The following SLC38A8 variants were observed in gnomAD, a reference collection of about 807,000 sequenced individuals.
The protein encoded by SLC38A8 is amino acid transporter SLC38A8.
Under a neutral mutation model 46.0 loss-of-function variants are expected in SLC38A8, and 65 were observed. The observed-to-expected ratio is 1.41, with a 90% CI of 1.16 to 1.74. The LOEUF (loss-of-function observed/expected upper bound fraction) is 1.74, where lower values mean the gene tolerates loss of function less well. Among genes scored for constraint, SLC38A8 ranks in the 40% most tolerant of loss-of-function variants. The pLI, the probability that SLC38A8 is intolerant of heterozygous loss-of-function variation, is 0.00. For missense variants in SLC38A8, 998 were observed against 567.9 expected, an observed-to-expected ratio of 1.76 and a Z score of -7.70; for synonymous variants, 447 against 243.7, an observed-to-expected ratio of 1.83 and a Z score of -7.77.
intron 6 of SLC38A8, among the ~76,000 whole-genome samples, chr16:84,026,927 C>G (rs577019930): frequency 6.6e-6 from 1 of 152,146 alleles, no homozygotes; most frequent in African/African-American, 2.4e-5. Context: ...CGAGGGGCAA[C>G]AGAAAGGTTC....
intron 5 of SLC38A8, among the ~76,000 whole-genome samples, chr16:84,030,847 C>A (rs1478586970): frequency 6.6e-6 from 1 of 151,120 alleles, no homozygotes; most frequent in African/African-American, 2.4e-5. Context: ...CTGTAGGGGT[C>A]GCACACCCAC....
At chr16:84,024,750 C>T (rs1052735466) in intron 6 of SLC38A8, among the ~76,000 whole-genome samples, 3 of 152,098 alleles carry the variant, frequency 2.0e-5, no homozygotes, top group East Asian at 3.9e-4. Flanking sequence ...ACTGAAGTGG[C>T]GCGAACTTGG....
rs758227587 is a variant in SLC38A8 at position 84,016,594 on chromosome 16, G to T, written c.1087C>A (p.Leu363Met). ...ATCTCGCTGAGGTCAGGCATAAACAGCGCCATGGCGAGCGTCACGGTGACC... is the reference window on the plus strand; with the variant it reads ...ATCTCGCTGAGGTCAGGCATAAACATCGCCATGGCGAGCGTCACGGTGACC... Reference protein sequence around the residue: ...LWVTVTLAMALFMPDLSEIVS... With the variant: ...LWVTVTLAMAMFMPDLSEIVS... Residue 363 changes from leucine to methionine, a missense_variant, in exon 9 of 11, where the codon CTG becomes ATG. Transcript: ENST00000299709. 6.2e-7 allele frequency: 1 copy of T among 1,614,052 alleles called. No individual in the cohort carries two copies. The highest frequency in any genetic ancestry group is 8.5e-7 in the Non-Finnish European group (1 of 1,180,036).
At chr16:84,036,659 G>A (rs1436860640) in intron 3 of SLC38A8, 43 bp downstream of exon 3, 1 of 1,608,110 alleles carries the variant, frequency 6.2e-7, no homozygotes, top group African/African-American at 1.3e-5. Flanking sequence ...GTCATTAGAG[G>A]TCCGGCACCC....
chr16:84,036,083 G>C (rs910230965), intron 3 of SLC38A8, among the ~76,000 whole-genome samples: 1 of 152,182 alleles, frequency 6.6e-6, no homozygotes, highest in Non-Finnish European at 1.5e-5. Context: ...CAATGATACA[G>C]ACTCCCTGAC....
intron 9 of SLC38A8, among the ~76,000 whole-genome samples, chr16:84,014,254 G>A (rs1224743970): frequency 1.3e-5 from 2 of 151,326 alleles, no homozygotes; most frequent in African/African-American, 2.4e-5. Context: ...GCCCGAGGGA[G>A]AAGCCACAAG....
chr16:84,021,115 T>C (rs1034822115), intron 7 of SLC38A8, among the ~76,000 whole-genome samples: 17 of 151,982 alleles, frequency 1.1e-4, no homozygotes, highest in African/African-American at 3.9e-4. Flanking sequence ...CAGGCTGGAG[T>C]GCAATGGTGC....
chr16:84,030,811 G>A (rs1463681654), intron 5 of SLC38A8, among the ~76,000 whole-genome samples: 1 of 152,126 alleles, frequency 6.6e-6, no homozygotes, highest in African/African-American at 2.4e-5. Context: ...CATCAGAAGG[G>A]TACACTGAGC....
rs763713707 is a variant in SLC38A8 at position 84,016,717 on chromosome 16, G to T, written c.964C>A (p.Gln322Lys). 6.2e-7 allele frequency: 1 copy of T among 1,612,362 alleles called. No individual in the cohort carries two copies. The highest frequency in any genetic ancestry group is 1.1e-5 in the South Asian group (1 of 91,002). The change falls in exon 9 of 11, where the codon CAG becomes AAG. Residue 322 changes from glutamine to lysine, a missense_variant. Physicochemically the swap from Gln to Lys is moderately conservative, Grantham distance 53. Coordinates refer to ENST00000299709, the MANE Select transcript of SLC38A8 (RefSeq NM_001080442.3). ...IVLFLGRSVM[Q>K]DFWRRSCLGG... is the part of the protein sequence containing the mutation. Reference sequence around the variant, plus strand: ...AAGCAGCTCCTCCTCCAGAAGTCCTGCATCACTGACCTGGAGGCCACAGCC... The same window carrying T: ...AAGCAGCTCCTCCTCCAGAAGTCCTTCATCACTGACCTGGAGGCCACAGCC...
chr16:84,027,175 C>T (rs942076020), intron 6 of SLC38A8, among the ~76,000 whole-genome samples: 18 of 152,210 alleles, frequency 1.2e-4, no homozygotes, highest in African/African-American at 4.1e-4. Context: ...CGTGTTGAAA[C>T]CTCGTCTCTA....
intron 6 of SLC38A8, among the ~76,000 whole-genome samples, chr16:84,025,773 A>C (rs533756109): frequency 6.6e-6 from 1 of 152,350 alleles, no homozygotes; most frequent in South Asian, 2.1e-4. Context: ...ATAGGAGGGC[A>C]CAGTGGCCTC....
intron 10 of SLC38A8, among the ~76,000 whole-genome samples, chr16:84,011,770 G>T (rs769229029): frequency 2.6e-4 from 39 of 152,326 alleles, no homozygotes; most frequent in South Asian, 8.3e-4. Context: ...TGTGGTCCCA[G>T]CTACTCAGGA....
intron 9 of SLC38A8, among the ~76,000 whole-genome samples, chr16:84,014,018 C>G (rs72799212): frequency 0.042 from 6,330 of 152,014 alleles, 136 homozygotes; most frequent in African/African-American, 0.049. Flanking sequence ...CCCTGAAAGC[C>G]CCGCCCAGAG....
intron 2 of SLC38A8, among the ~76,000 whole-genome samples, chr16:84,037,254 G>T (rs1335509736): frequency 6.6e-6 from 1 of 152,236 alleles, no homozygotes; most frequent in Non-Finnish European, 1.5e-5. Context: ...GAGGCAGTAG[G>T]CGTGGTGGCT....
chr16:84,037,042 C>G lies in SLC38A8; in HGVS notation c.190-142G>C, dbSNP rs534363424. 1.9e-5 allele frequency: 15 copies of G among 799,328 alleles called. No homozygotes were observed. The East Asian group carries it at 3.8e-4, about 20-fold the overall frequency. The allele number at this position is 799,328 out of a possible 1,614,324, so 49.5% of individuals were successfully genotyped here. On this transcript the variant is annotated intron_variant, in intron 2 of 10. Transcript: ENST00000299709. The stretch of plus-strand genomic sequence containing the variant: ...CTGCCAACATGGGGTTGGCAGTCTA[C>G]CAGCTATGTCACTGCACACACCCCC...
intron 6 of SLC38A8, among the ~76,000 whole-genome samples, chr16:84,028,136 G>A (rs1213509197): frequency 2.0e-5 from 3 of 151,966 alleles, no homozygotes; most frequent in Admixed American, 1.3e-4. Flanking sequence ...GGGAAGAGAC[G>A]AGCTCAATGG....
chr16:84,030,612 A>G (rs2085226508), intron 5 of SLC38A8, among the ~76,000 whole-genome samples: 1 of 151,952 alleles, frequency 6.6e-6, no homozygotes, highest in Admixed American at 6.6e-5. Flanking sequence ...GTCCTCTCTA[A>G]TCCAGGAAAC....
intron 10 of SLC38A8, 54 bp from the exon 11 acceptor site, chr16:84,009,931 G>A (rs182664042): frequency 6.6e-7 from 1 of 1,503,800 alleles, no homozygotes; most frequent in Non-Finnish European, 9.1e-7. Context: ...GCACAAATAA[G>A]CCACACACAC....
chr16:84,020,012 G>C (rs114422267), intron 7 of SLC38A8, among the ~76,000 whole-genome samples: 25 of 152,258 alleles, frequency 1.6e-4, no homozygotes, highest in African/African-American at 6.0e-4. Flanking sequence ...TCGCAGGCAG[G>C]TGTTGCACGT....
Sources: allele counts gnomAD v4.1 joint callset (sites outside exome capture counted in the v4.1 genomes callset), GRCh38; gene constraint gnomAD v4.1.1; transcripts MANE v1.5; gene names NCBI Gene and HGNC (gene_info 2026-07-23, HGNC 2026-07-21).